Variants in NRXN1 observed in about 807,000 individuals in gnomAD.
NRXN1 encodes neurexin-1.
A neutral mutation model predicts 150.9 loss-of-function variants in NRXN1; 39 were observed. The ratio of observed to expected loss-of-function variants is 0.26; its 90% CI spans 0.20 to 0.34. The LOEUF is 0.34. Ranked by LOEUF, NRXN1 falls within the 10% of genes least tolerant of loss-of-function variation. The pLI, the probability that NRXN1 is intolerant of heterozygous loss-of-function variation, is 1.00. For missense variants in NRXN1, 1,815 were observed against 1,949.9 expected, an observed-to-expected ratio of 0.93 and a Z score of 1.30; for synonymous variants, 924 against 757.0, an observed-to-expected ratio of 1.22 and a Z score of -3.62.
chr2:50,370,279 C>T (rs1462383832), intron 17 of NRXN1, among the ~76,000 whole-genome samples: 1 of 152,038 alleles, frequency 6.6e-6, no homozygotes, highest in East Asian at 1.9e-4. Flanking sequence ...CTGCCAGCCA[C>T]TTACAACATT....
chr2:50,019,018 G>A (rs1474760983), intron 21 of NRXN1, among the ~76,000 whole-genome samples: 1 of 152,034 alleles, frequency 6.6e-6, no homozygotes, highest in Non-Finnish European at 1.5e-5. Context: ...TATAGATGAG[G>A]GAATAGGCAC....
At position 50,208,181 on chromosome 2, in the gene NRXN1, T is replaced by G. The variant is rs933280956; in HGVS notation, c.3546+28608A>C. ...AAGACTGAATTTCCACTCAACCACT[T>G]TTGCACCTTCTCAGCCAGTAACTCA... On this transcript the variant is annotated intron_variant, in intron 18 of 22. Transcript: ENST00000401669. Among the ~76,000 whole-genome samples the G allele has an allele frequency of 2.8e-4, 42 of 152,020 alleles. 1 individual carries two copies. Among genetic ancestry groups the G allele is most frequent in the Non-Finnish European group, 8.8e-5 (6 of 68,004 alleles).
intron 21 of NRXN1, among the ~76,000 whole-genome samples, chr2:49,957,569 G>T (rs541003669): frequency 9.2e-5 from 14 of 152,218 alleles, no homozygotes; most frequent in Admixed American, 3.9e-4. Flanking sequence ...AAGATTATAT[G>T]TTTGATAGGA....
intron 5 of NRXN1, among the ~76,000 whole-genome samples, chr2:50,644,405 T>C (rs894764299): frequency 1.3e-5 from 2 of 151,880 alleles, no homozygotes; most frequent in Non-Finnish European, 2.9e-5. Context: ...ATTATATTTA[T>C]GACAATAAAT....
intron 5 of NRXN1, among the ~76,000 whole-genome samples, chr2:50,883,306 A>T (rs933555869): frequency 2.0e-5 from 3 of 151,812 alleles, no homozygotes; most frequent in African/African-American, 7.2e-5. Flanking sequence ...AATAGTTTCT[A>T]GGTTTATCCA....
In NRXN1 at chr2:49,959,217, C is replaced by A. The variant is rs553378240; in HGVS notation, c.4129-15426G>T. On this transcript the variant is annotated intron_variant, in intron 21 of 22. Coordinates refer to ENST00000401669, the MANE Select transcript of NRXN1 (RefSeq NM_001330078.2). ...TCTATTCAAACAGAAGCCAAGCCTC[C>A]TTTTGTGTTCCACTGAGTTGGCTGG... Among the ~76,000 whole-genome samples the A allele has an allele frequency of 2.0e-4, 30 of 152,232 alleles. No homozygotes were observed. In the East Asian group the frequency reaches 5.6e-3, roughly 28 times the overall value.
chr2:50,141,157 A>G (rs1707218579), intron 18 of NRXN1, among the ~76,000 whole-genome samples: 1 of 152,056 alleles, frequency 6.6e-6, no homozygotes, highest in South Asian at 2.1e-4. Context: ...AGAGTTACAG[A>G]TAAGAGAGTG....
At chr2:50,261,638 A>T (rs2068294464) in intron 17 of NRXN1, among the ~76,000 whole-genome samples, 4 of 151,958 alleles carry the variant, frequency 2.6e-5, no homozygotes. Flanking sequence ...AAAACAGTGT[A>T]GCAAATTCAG....
chr2:49,923,962 A>G (rs113609737), intron 22 of NRXN1, among the ~76,000 whole-genome samples: 3 of 152,230 alleles, frequency 2.0e-5, no homozygotes, highest in African/African-American at 7.2e-5. Context: ...AGGTGAAAGG[A>G]GACAAAGACT....
rs571791420 is a variant in NRXN1 at position 51,003,913 on chromosome 2, C to T, written c.772+23589G>A. Among the ~76,000 whole-genome samples the T allele has an allele frequency of 6.6e-5, 10 of 152,048 alleles. No homozygotes were observed. In the East Asian group the frequency reaches 1.8e-3, roughly 27 times the overall value. ...TTCTACTTACCATTTTAACTGTCAT[C>T]TTTTTAGCACATTAAGGCTCTCTTT... On this transcript the variant is annotated intron_variant, in intron 2 of 22. Transcript: ENST00000401669.
chr2:50,729,509 G>A (rs1033314373), intron 5 of NRXN1, among the ~76,000 whole-genome samples: 4 of 152,210 alleles, frequency 2.6e-5, no homozygotes, highest in Non-Finnish European at 4.4e-5. Context: ...CACAGTGCAA[G>A]ACTATGCTAA....
intron 18 of NRXN1, among the ~76,000 whole-genome samples, chr2:50,200,902 T>A (rs1004192547): frequency 6.6e-6 from 1 of 152,254 alleles, no homozygotes; most frequent in Non-Finnish European, 1.5e-5. Flanking sequence ...GTTCTTTTTA[T>A]CAGTCAATAC....
chr2:50,944,747 G>A (rs187351749), intron 2 of NRXN1, among the ~76,000 whole-genome samples: 2 of 152,230 alleles, frequency 1.3e-5, no homozygotes, highest in Admixed American at 6.5e-5. Context: ...GTACTGCAAA[G>A]GCTAATCATT....
At chr2:50,176,429 T>C (rs1317340348) in intron 18 of NRXN1, among the ~76,000 whole-genome samples, 1 of 152,132 alleles carries the variant, frequency 6.6e-6, no homozygotes, top group East Asian at 1.9e-4. Context: ...GGGCCTTTCC[T>C]GTGAATTTTA....
chr2:50,750,921 T>C (rs1448044821), intron 5 of NRXN1, among the ~76,000 whole-genome samples: 1 of 152,068 alleles, frequency 6.6e-6, no homozygotes, highest in Non-Finnish European at 1.5e-5. Context: ...ATGATGGTTA[T>C]GGGACCAGCC....
At chr2:50,982,297 T>G (rs1192545630) in intron 2 of NRXN1, among the ~76,000 whole-genome samples, 1 of 152,130 alleles carries the variant, frequency 6.6e-6, no homozygotes, top group African/African-American at 2.4e-5. Flanking sequence ...AGATATAAAT[T>G]ATTTTAGGCA....
intron 8 of NRXN1, among the ~76,000 whole-genome samples, chr2:50,601,378 A>G (rs1262485974): frequency 6.6e-6 from 1 of 152,204 alleles, no homozygotes; most frequent in Non-Finnish European, 1.5e-5. Context: ...CAAGTAGTAT[A>G]ATACGTGGTT....
chr2:50,325,067 C>T (rs2076296393), intron 17 of NRXN1, among the ~76,000 whole-genome samples: 1 of 152,020 alleles, frequency 6.6e-6, no homozygotes, highest in Non-Finnish European at 1.5e-5. Flanking sequence ...TGAAATTACT[C>T]AAGAAGAGAA....
intron 2 of NRXN1, among the ~76,000 whole-genome samples, chr2:50,927,526 T>A (rs1687085066): frequency 6.6e-6 from 1 of 152,034 alleles, no homozygotes; most frequent in African/African-American, 2.4e-5. Flanking sequence ...TAGGCTGAAT[T>A]TGTTACTTTT....
Sources: gnomAD v4.1 joint callset for allele counts (sites outside exome capture counted in the v4.1 genomes callset) on GRCh38, gnomAD v4.1.1 for gene constraint, MANE v1.5 for transcripts, NCBI Gene and HGNC (gene_info 2026-07-23, HGNC 2026-07-21) for gene names.